NUP210L: variants seen among roughly 807,000 people sequenced by gnomAD.
NUP210L encodes the protein nucleoporin 210 like.
A neutral mutation model predicts 208.5 loss-of-function variants in NUP210L; 74 were observed. That is an observed-to-expected ratio of 0.35 (90% CI 0.29 to 0.43). The LOEUF (loss-of-function observed/expected upper bound fraction) is 0.43. Among genes scored for constraint, NUP210L ranks in the 20% least tolerant of loss-of-function variants. The pLI is 1.00. For synonymous variants in NUP210L, 780 were observed against 816.9 expected (o/e 0.95, Z 0.77); for missense variants, 1,843 against 2,289.4 (o/e 0.81, Z 3.98).
Position 154,082,055 on chromosome 1 carries a change from G to T in NUP210L, c.2361+7366C>A, listed in dbSNP as rs138052433. ...GTAAACACATTGATGTGTTCCACCT[G>T]TTATGTTTTCACCAGATCCTAATCC... On this transcript the variant is annotated intron_variant, in intron 16 of 39. Coordinates refer to ENST00000368559, the Ensembl canonical transcript of NUP210L. Among the ~76,000 whole-genome samples, 301 of 152,332 alleles carry T rather than the reference G, an allele frequency of 2.0e-3. 2 individuals carry two copies. Among genetic ancestry groups the T allele is most frequent in the African/African-American group, 7.0e-3 (290 of 41,582 alleles).
At chr1:154,101,975 C>G (rs1005249826) in intron 13 of NUP210L, among the ~76,000 whole-genome samples, 3 of 151,990 alleles carry the variant, frequency 2.0e-5, no homozygotes, top group Non-Finnish European at 4.4e-5. Context: ...CATGGTGAAA[C>G]CCGGTCTCTA....
intron 15 of NUP210L, among the ~76,000 whole-genome samples, chr1:154,092,557 T>G (rs12724370): frequency 0.13 from 19,726 of 150,766 alleles, 1,599 homozygotes; most frequent in East Asian, 0.41. Context: ...TTTGTTTTTT[T>G]TTTTTTTTTA....
At chr1:154,073,654 A>C (rs1413838313) in intron 16 of NUP210L, among the ~76,000 whole-genome samples, 2 of 151,806 alleles carry the variant, frequency 1.3e-5, no homozygotes, top group South Asian at 4.2e-4. Context: ...GTCTCTACTA[A>C]AAACACAAAA....
chr1:154,111,503 G>A (rs1417656525), intron 12 of NUP210L, among the ~76,000 whole-genome samples: 4 of 151,508 alleles, frequency 2.6e-5, no homozygotes, highest in Non-Finnish European at 5.9e-5. Context: ...GGGCTACTAT[G>A]AGCAATTATA....
chr1:154,052,828 T>C (rs111425994), intron 25 of NUP210L, among the ~76,000 whole-genome samples: 120 of 152,360 alleles, frequency 7.9e-4, no homozygotes, highest in African/African-American at 2.3e-3. Context: ...ACAGTCATTA[T>C]TGATTGGTCC....
chr1:154,056,245 C>T (rs1653865536), intron 23 of NUP210L, among the ~76,000 whole-genome samples: 1 of 152,138 alleles, frequency 6.6e-6, no homozygotes, highest in African/African-American at 2.4e-5. Context: ...TGGAACTCCT[C>T]CTGGGCTCAA....
exon 25 of NUP210L, chr1:154,054,302 C>A (rs753493732): frequency 6.2e-7 from 1 of 1,614,212 alleles, no homozygotes; most frequent in Non-Finnish European, 8.5e-7. Flanking sequence ...GCTGTGCCAA[C>A]AATCTTCCCT....
At chr1:154,054,660 C>A in intron 24 of NUP210L, 110 bp downstream of exon 24, 1 of 860,276 alleles carries the variant, frequency 1.2e-6, no homozygotes. Context: ...TCCACTAGTA[C>A]TTGGGTGAGA....
At chr1:154,112,910 G>A (rs1439124931) in intron 12 of NUP210L, among the ~76,000 whole-genome samples, 3 of 150,480 alleles carry the variant, frequency 2.0e-5, no homozygotes, top group South Asian at 2.1e-4. Context: ...TAATCCTAGC[G>A]CTTTGGGAGG....
At chr1:154,089,554 T>C (rs1176462586) in exon 16 of NUP210L, 1 of 1,614,010 alleles carries the variant, frequency 6.2e-7, no homozygotes, top group Non-Finnish European at 8.5e-7. Flanking sequence ...TGGACTAGGG[T>C]TCAGGACACC....
chr1:153,995,105 A>G (rs1206996897), exon 38 of NUP210L: 2 of 1,613,624 alleles, frequency 1.2e-6, no homozygotes, highest in South Asian at 1.1e-5. Context: ...TGATGCCAGC[A>G]CTGCAAAGAG....
In NUP210L at chr1:154,140,929, G is replaced by A. The variant is rs112328501; in HGVS notation, c.566+502C>T. Among the ~76,000 whole-genome samples the A allele has an allele frequency of 4.6e-3, 695 of 150,872 alleles. 7 individuals carry two copies. Among genetic ancestry groups the A allele is most frequent in the African/African-American group, 0.015 (635 of 41,056 alleles). On this transcript the variant is annotated intron_variant, in intron 4 of 39. Transcript: ENST00000368559. ...GAATGGCGTGAACCCGGGAGGCAGA[G>A]GTTGCAGTGAGCCAAGATCACGCCA...
chr1:154,127,200 T>C (rs1658027088), intron 9 of NUP210L, 111 bp downstream of exon 9: 2 of 461,348 alleles, frequency 4.3e-6, no homozygotes, highest in Non-Finnish European at 7.7e-6. Flanking sequence ...AAGGTAAAAA[T>C]CTAGAATCAA....
intron 15 of NUP210L, among the ~76,000 whole-genome samples, chr1:154,091,724 C>A (rs983428581): frequency 2.0e-5 from 3 of 151,600 alleles, no homozygotes; most frequent in African/African-American, 7.3e-5. Context: ...TGGTCTCGAA[C>A]TCCTGAACTC....
intron 35 of NUP210L, among the ~76,000 whole-genome samples, chr1:154,004,223 C>T (rs1009818153): frequency 1.3e-5 from 2 of 151,018 alleles, no homozygotes; most frequent in Non-Finnish European, 1.5e-5. Flanking sequence ...TGCCCACCAC[C>T]ACGCCCGGCT....
intron 35 of NUP210L, among the ~76,000 whole-genome samples, chr1:154,002,948 C>G (rs1002382833): frequency 2.0e-5 from 3 of 150,878 alleles, no homozygotes; most frequent in African/African-American, 7.3e-5. Flanking sequence ...CTCTTGGTGT[C>G]ATTATTTTTA....
At chr1:154,079,627 A>G (rs902118782) in intron 16 of NUP210L, 1 of 152,240 alleles carries the variant, frequency 6.6e-6, no homozygotes, top group Non-Finnish European at 1.5e-5. Context: ...TGAGAAGCAC[A>G]TTATCTTTAT....
chr1:154,018,862 T>C (rs1451623079), intron 33 of NUP210L, 71 bp downstream of exon 33: 1 of 1,522,752 alleles, frequency 6.6e-7, no homozygotes, highest in African/African-American at 1.4e-5. Context: ...AAGATGTATT[T>C]TCTCTATGCA....
intron 28 of NUP210L, among the ~76,000 whole-genome samples, chr1:154,028,924 G>A (rs1474628704): frequency 2.0e-5 from 3 of 151,196 alleles, no homozygotes; most frequent in African/African-American, 4.9e-5. Flanking sequence ...GCGAAACCCC[G>A]TCTCTACTAA....
Sources: allele counts gnomAD v4.1 joint callset (sites outside exome capture counted in the v4.1 genomes callset), GRCh38; gene constraint gnomAD v4.1.1; transcripts MANE v1.5; gene names NCBI Gene and HGNC (gene_info 2026-07-23, HGNC 2026-07-21).